CECR2: variants seen among roughly 807,000 people sequenced by gnomAD.
CECR2 encodes CECR2 histone acetyl-lysine reader, also known as chromatin remodeling regulator CECR2.
Under a neutral mutation model 154.5 loss-of-function variants are expected in CECR2, and 30 were observed. The ratio of observed to expected loss-of-function variants is 0.19; its 90% CI spans 0.15 to 0.26. CECR2 has a LOEUF of 0.26. CECR2 is among the 10% of genes least tolerant of loss of function. CECR2 has a pLI of 1.00. For missense variants in CECR2, 1,743 were observed against 1,829.3 expected (o/e 0.95, Z 0.86); for synonymous variants, 725 against 683.7 (o/e 1.06, Z -0.94).
intron 2 of CECR2, among the ~76,000 whole-genome samples, chr22:17,495,239 A>G (rs947650207): frequency 1.3e-5 from 2 of 152,190 alleles, no homozygotes; most frequent in Non-Finnish European, 2.9e-5. Flanking sequence ...TCTAACAAAC[A>G]GCACATTATT....
chr22:17,511,786 C>T, intron 7 of CECR2, 27 bp from the exon 8 acceptor site: 1 of 1,591,140 alleles, frequency 6.3e-7, no homozygotes, highest in East Asian at 2.2e-5. Context: ...CTATCTTTTC[C>T]TTTCTCTTCT....
At chr22:17,366,083 A>G (rs1417972374), upstream of CECR2, among the ~76,000 whole-genome samples, 10 of 152,228 alleles carry the variant, frequency 6.6e-5, no homozygotes, top group South Asian at 1.2e-3. Flanking sequence ...AGAGAATATG[A>G]AAGAATTACT....
Position 17,505,025 on chromosome 22 carries a change from C to G in CECR2, c.870+9C>G, listed in dbSNP as rs1194576078. The G allele has an allele frequency of 6.2e-7, 1 of 1,612,300 alleles. No homozygotes were observed. The highest frequency in any genetic ancestry group is 1.1e-5 in the South Asian group (1 of 90,950). ...ACATGATCGCCCAGAAGGTGCGCCACACTCTCTGCTCTGTCCTCCTCAGTG... is the reference window on the plus strand; with the variant it reads ...ACATGATCGCCCAGAAGGTGCGCCAGACTCTCTGCTCTGTCCTCCTCAGTG... On this transcript the variant is annotated intron_variant, in intron 7 of 18. Coordinates refer to ENST00000262608, the MANE Select transcript of CECR2 (RefSeq NM_001290047.2).
rs961542544 is a variant in CECR2 at position 17,526,876 on chromosome 22, C to T, written c.1108+2605C>T. 4.7e-4 allele frequency among the ~76,000 whole-genome samples: 66 copies of T among 139,430 alleles called. 1 individual carries two copies. The highest frequency in any genetic ancestry group is 1.7e-3 in the African/African-American group (63 of 37,310). The allele number at this position is 139,430 out of a possible 152,430, so 91.5% of individuals were successfully genotyped here. ...AATTATGAAACTCTACAAGAAAAAA[C>T]GTTGGAGAAACCCTCTAGGACATTG... On this transcript the variant is annotated intron_variant, in intron 9 of 18. Coordinates refer to ENST00000262608, the MANE Select transcript of CECR2 (RefSeq NM_001290047.2).
In CECR2 at chr22:17,548,603, C is replaced by T. The variant is rs757980872; in HGVS notation, c.3316C>T (p.Pro1106Ser). 1.9e-6 allele frequency: 3 copies of T among 1,613,508 alleles called. No individual in the cohort carries two copies. In the South Asian group the frequency reaches 3.3e-5, roughly 18 times the overall value. ...QNAATPPSTD[P>S]GLTGGTVSQF... ...CGCAGCGACACCGCCCAGCACAGAC[C>T]CCGGTTTGACGGGAGGCACTGTGAG... The change falls in exon 17 of 19, where the codon CCC becomes TCC. Residue 1106 changes from proline to serine, a missense_variant. Pro to Ser is a moderately conservative substitution (Grantham distance 74, BLOSUM62 -1). Around this residue, in one of 4 missense-constraint regions of CECR2, gnomAD observed 1,250 missense variants for 1,192.1 expected, o/e 1.05. Transcript: ENST00000262608.
chr22:17,551,178 G>A (rs1298514352), intron 17 of CECR2, among the ~76,000 whole-genome samples: 3 of 152,148 alleles, frequency 2.0e-5, no homozygotes, highest in Non-Finnish European at 4.4e-5. Flanking sequence ...CAATACTTGA[G>A]CATGCATCTC....
chr22:17,462,180 G>A (rs935677378), intron 1 of CECR2, among the ~76,000 whole-genome samples: 11 of 151,512 alleles, frequency 7.3e-5, no homozygotes, highest in Admixed American at 5.9e-4. Flanking sequence ...CGAGGCAGGC[G>A]GATCACGAGG....
chr22:17,482,977 A>G (rs985183109), intron 2 of CECR2, among the ~76,000 whole-genome samples: 7 of 151,958 alleles, frequency 4.6e-5, no homozygotes, highest in Non-Finnish European at 8.8e-5. Flanking sequence ...CACCGCGCCC[A>G]GCCTAGTTAT....
At chr22:17,505,300 A>G (rs929651268) in intron 7 of CECR2, among the ~76,000 whole-genome samples, 4 of 148,236 alleles carry the variant, frequency 2.7e-5, no homozygotes, top group Non-Finnish European at 5.9e-5. Flanking sequence ...TCTCCCATAC[A>G]CTCCTCAGGA....
intron 1 of CECR2, among the ~76,000 whole-genome samples, chr22:17,457,871 G>T (rs921663219): frequency 3.3e-5 from 5 of 152,206 alleles, no homozygotes; most frequent in African/African-American, 1.2e-4. Context: ...ACATTTCAAG[G>T]AAATTGTGCT....
Position 17,532,700 on chromosome 22 carries a change from C to CTTTTTTTTTTT in CECR2, c.1109-4378_1109-4368dup, listed in dbSNP as rs695634. On this transcript the variant is annotated intron_variant, in intron 9 of 18. Transcript: ENST00000262608. ...CCAAGTAGGTATATTCATTATTATT[C>CTTTTTTTTTTT]TTTTTTTTTTTTTTTTTTTTTTTTT... Among the ~76,000 whole-genome samples, 197 of 35,798 alleles carry CTTTTTTTTTTT rather than the reference C, an allele frequency of 5.5e-3. 47 individuals carry two copies. Among genetic ancestry groups the CTTTTTTTTTTT allele is most frequent in the Non-Finnish European group, 6.9e-3 (147 of 21,416 alleles). 23.5% of individuals were successfully genotyped at this position (35,798 alleles called of 152,430 possible). A position where few individuals can be genotyped will look rare whatever the true frequency, so the allele number is the denominator to read the frequency against.
chr22:17,490,592 G>A (rs752581654), intron 2 of CECR2, among the ~76,000 whole-genome samples: 2 of 151,626 alleles, frequency 1.3e-5, no homozygotes, highest in Admixed American at 6.6e-5. Flanking sequence ...ATGCCACCAC[G>A]CCCGGCTAAT....
rs1425992328 is a variant in CECR2, at chr22:17,409,299, A to G, written c.126+39390A>G. ...AGGCGCCCGCCACCACACCCAGCTA[A>G]TTTTTGTATTTTTAATAGAGACGGG... On this transcript the variant is annotated intron_variant, in intron 1 of 18. Coordinates refer to ENST00000262608, the MANE Select transcript of CECR2 (RefSeq NM_001290047.2). Among the ~76,000 whole-genome samples the G allele has an allele frequency of 3.6e-5, 4 of 110,362 alleles. 1 individual carries two copies. Among genetic ancestry groups the G allele is most frequent in the African/African-American group, 6.0e-5 (2 of 33,220 alleles). The allele number at this position is 110,362 out of a possible 152,430, so 72.4% of individuals were successfully genotyped here.
intron 1 of CECR2, among the ~76,000 whole-genome samples, chr22:17,442,179 G>T (rs537434811): frequency 6.6e-6 from 1 of 152,300 alleles, no homozygotes; most frequent in South Asian, 2.1e-4. Context: ...TGTCATACTA[G>T]AAGAGTTCCG....
intron 1 of CECR2, among the ~76,000 whole-genome samples, chr22:17,422,216 G>A (rs2054266141): frequency 6.7e-6 from 1 of 149,194 alleles, no homozygotes; most frequent in South Asian, 2.3e-4. Context: ...TTTTTGTTTT[G>A]AGACGGAGTC....
chr22:17,481,049 T>TAAAAAAAAAA (rs572712907), intron 2 of CECR2, among the ~76,000 whole-genome samples: 13 of 92,062 alleles, frequency 1.4e-4, no homozygotes, highest in Admixed American at 2.5e-4. Flanking sequence ...CTTTTTTTTT[T>TAAAAAAAAAA]AAAAAAAAAA....
At chr22:17,405,639 CAAAAAAAAAAAA>C (rs58874516) in intron 1 of CECR2, among the ~76,000 whole-genome samples, 932 of 72,334 alleles carry the variant, frequency 0.013, 30 homozygotes, top group African/African-American at 0.04. Context: ...GACTCCATCT[CAAAAAAAAAAAA>C]AAAAAAAAAA....
intron 6 of CECR2, 138 bp from the exon 7 acceptor site, chr22:17,504,709 G>A: frequency 1.6e-6 from 1 of 632,756 alleles, no homozygotes; most frequent in Admixed American, 2.9e-5. Context: ...CCAAAGTGCT[G>A]GGATTACAGG....
At chr22:17,466,585 C>T (rs1414807613) in intron 1 of CECR2, among the ~76,000 whole-genome samples, 1 of 149,916 alleles carries the variant, frequency 6.7e-6, no homozygotes, top group Non-Finnish European at 1.5e-5. Flanking sequence ...ACTATTGTTA[C>T]TTAAAACCTT....
Sources: gnomAD v4.1 joint callset for allele counts (sites outside exome capture counted in the v4.1 genomes callset) on GRCh38, gnomAD v4.1.1 for gene constraint, gnomAD v4.1.1 regional missense constraint, MANE v1.5 for transcripts, NCBI Gene and HGNC (gene_info 2026-07-23, HGNC 2026-07-21) for gene names.